The following TPST2 variants were observed in gnomAD, a reference collection of about 807,000 sequenced individuals.
TPST2 encodes tyrosylprotein sulfotransferase 2, also known as protein-tyrosine sulfotransferase 2.
A neutral mutation model predicts 27.8 loss-of-function variants in TPST2; 16 were observed. That is an observed-to-expected ratio of 0.58 (90% CI 0.39 to 0.88). The LOEUF is 0.88. Ranked by LOEUF, TPST2 falls within the 40% of genes least tolerant of loss-of-function variation. TPST2 has a pLI of 0.00. For missense variants in TPST2, 464 were observed against 543.1 expected (o/e 0.85, Z 1.45); for synonymous variants, 229 against 231.7 (o/e 0.99, Z 0.10).
intron 1 of TPST2, among the ~76,000 whole-genome samples, chr22:26,587,579 G>C (rs1353181892): frequency 2.6e-5 from 4 of 152,084 alleles, no homozygotes; most frequent in Admixed American, 2.0e-4. Flanking sequence ...GACCTCAGGT[G>C]ACCTGCCCAC....
Position 26,524,172 on chromosome 22 carries a change from T to C in TPST2, c.*2103A>G, listed in dbSNP as rs1924702446. ...AGAAATGAACAAAAAGGGTCACACC[T>C]TCAAAAAAGCCTAATTTCCATTCCA... On this transcript the variant is annotated 3_prime_UTR_variant, in exon 7 of 7. Coordinates refer to ENST00000338754, the MANE Select transcript of TPST2 (RefSeq NM_003595.5). 1.3e-5 allele frequency: 2 copies of C among 152,068 alleles called. No homozygotes were observed. The highest frequency in any genetic ancestry group is 4.1e-4 in the South Asian group (2 of 4,824). 9.4% of individuals were successfully genotyped at this position (152,068 alleles called of 1,614,324 possible).
chr22:26,539,806 A>C (rs1167652414), intron 3 of TPST2, among the ~76,000 whole-genome samples: 1 of 152,052 alleles, frequency 6.6e-6, no homozygotes, highest in Admixed American at 6.6e-5. Context: ...ACCCCAAAAA[A>C]CAGACCTGGG....
intron 1 of TPST2, among the ~76,000 whole-genome samples, chr22:26,568,251 G>C (rs546589538): frequency 6.6e-6 from 1 of 152,252 alleles, no homozygotes; most frequent in East Asian, 1.9e-4. Context: ...AGAACCTTAC[G>C]CAATAACAAC....
intron 6 of TPST2, among the ~76,000 whole-genome samples, chr22:26,526,878 G>A (rs1924872251): frequency 6.6e-6 from 1 of 152,166 alleles, no homozygotes. Context: ...AGGAGTTTGA[G>A]ACCAGCCTGG....
At chr22:26,560,864 C>A in intron 1 of TPST2, 2 of 1,592,538 alleles carry the variant, frequency 1.3e-6, no homozygotes, top group Non-Finnish European at 1.7e-6. Context: ...GCCCAAAAAT[C>A]AAAGGAGAAC....
rs1055235603 is a variant in TPST2 at position 26,523,388 on chromosome 22, C to T, written c.*2887G>A. The T allele has an allele frequency of 5.9e-5, 9 of 152,006 alleles. No homozygotes were observed. The highest frequency in any genetic ancestry group is 3.9e-4 in the Admixed American group (6 of 15,262). 9.4% of individuals were successfully genotyped at this position (152,006 alleles called of 1,614,324 possible). ...TATTGAGAGGAAGTACAAATAGAGCCACTTGCCTTCTTACTATCAATTCTG... is the reference window on the plus strand; with the variant it reads ...TATTGAGAGGAAGTACAAATAGAGCTACTTGCCTTCTTACTATCAATTCTG... On this transcript the variant is annotated 3_prime_UTR_variant, in exon 7 of 7. Coordinates refer to ENST00000338754, the MANE Select transcript of TPST2 (RefSeq NM_003595.5).
At chr22:26,533,750 C>T (rs1340035619) in intron 4 of TPST2, among the ~76,000 whole-genome samples, 2 of 152,094 alleles carry the variant, frequency 1.3e-5, no homozygotes, top group African/African-American at 4.8e-5. Context: ...TCACGGCTCA[C>T]TGCAGCCTCC....
intron 1 of TPST2, among the ~76,000 whole-genome samples, chr22:26,572,737 G>A (rs1927679000): frequency 6.6e-6 from 1 of 152,014 alleles, no homozygotes; most frequent in South Asian, 2.1e-4. Flanking sequence ...ATTCCACTGT[G>A]AGTGCTCACG....
chr22:26,548,343 G>A (rs1309035734), intron 1 of TPST2, among the ~76,000 whole-genome samples: 1 of 139,112 alleles, frequency 7.2e-6, no homozygotes, highest in Non-Finnish European at 1.5e-5. Context: ...AGGGGAGAGG[G>A]AGGGGGAAAG....
chr22:26,561,559 T>C (rs975724313), intron 1 of TPST2, among the ~76,000 whole-genome samples: 2 of 152,236 alleles, frequency 1.3e-5, no homozygotes, highest in African/African-American at 4.8e-5. Context: ...AAAGAAAAAG[T>C]TGCAGCTGTT....
At chr22:26,559,088 C>A (rs1926951852) in intron 1 of TPST2, among the ~76,000 whole-genome samples, 1 of 152,252 alleles carries the variant, frequency 6.6e-6, no homozygotes, top group Non-Finnish European at 1.5e-5. Flanking sequence ...GTTCATGGGC[C>A]CGGCGCGGTG....
At chr22:26,571,082 C>T (rs1187908527) in intron 1 of TPST2, among the ~76,000 whole-genome samples, 2 of 152,352 alleles carry the variant, frequency 1.3e-5, no homozygotes, top group East Asian at 3.9e-4. Flanking sequence ...GCTCCGCATC[C>T]TCCCATGGCT....
At chr22:26,566,975 G>A (rs372342346) in intron 1 of TPST2, among the ~76,000 whole-genome samples, 4 of 152,212 alleles carry the variant, frequency 2.6e-5, no homozygotes, top group African/African-American at 7.2e-5. Flanking sequence ...CCGCATCCCC[G>A]GCCTCTACCA....
chr22:26,549,137 G>C (rs1223703449), intron 1 of TPST2, among the ~76,000 whole-genome samples: 1 of 152,130 alleles, frequency 6.6e-6, no homozygotes, highest in Non-Finnish European at 1.5e-5. Context: ...AGGGCATGTC[G>C]GAACAGCACC....
intron 1 of TPST2, chr22:26,560,971 C>A (rs1245574826): frequency 5.0e-6 from 8 of 1,609,798 alleles, no homozygotes; most frequent in South Asian, 3.3e-5. Context: ...AAGAAGGCTG[C>A]GAAGCTGAAG....
intron 4 of TPST2, among the ~76,000 whole-genome samples, chr22:26,535,033 G>A (rs1925372186): frequency 6.6e-6 from 1 of 152,138 alleles, no homozygotes; most frequent in Non-Finnish European, 1.5e-5. Context: ...CACAGACAAA[G>A]CTTACACTTC....
At chr22:26,569,536 A>G (rs1287849825) in intron 1 of TPST2, among the ~76,000 whole-genome samples, 1 of 152,198 alleles carries the variant, frequency 6.6e-6, no homozygotes, top group Non-Finnish European at 1.5e-5. Context: ...TCACACCAAC[A>G]CTTTGGGAGG....
chr22:26,560,837 G>A, intron 1 of TPST2: 2 of 1,570,942 alleles, frequency 1.3e-6, no homozygotes, highest in Admixed American at 1.7e-5. Context: ...CCTTCTTCCT[G>A]TTCTGCTCTG....
chr22:26,528,403 G>A, intron 5 of TPST2, 141 bp from the exon 6 acceptor site: 1 of 1,104,376 alleles, frequency 9.1e-7, no homozygotes, highest in Non-Finnish European at 1.3e-6. Context: ...TATGTGCCAG[G>A]TGCTGGGATA....
Sources: gnomAD v4.1 joint callset for allele counts (sites outside exome capture counted in the v4.1 genomes callset) on GRCh38, gnomAD v4.1.1 for gene constraint, MANE v1.5 for transcripts, NCBI Gene and HGNC (gene_info 2026-07-23, HGNC 2026-07-21) for gene names.